BIRC6: variants seen among roughly 807,000 people sequenced by gnomAD.
The protein encoded by BIRC6 is baculoviral IAP repeat containing 6, also known as dual E2 ubiquitin-conjugating enzyme/E3 ubiquitin-protein ligase BIRC6.
A neutral mutation model predicts 503.3 loss-of-function variants in BIRC6; 98 were observed. The ratio of observed to expected loss-of-function variants is 0.19; its 90% CI spans 0.17 to 0.23. The LOEUF (loss-of-function observed/expected upper bound fraction) is 0.23. BIRC6 is among the 10% of genes least tolerant of loss of function. BIRC6 has a pLI of 1.00. For synonymous variants in BIRC6, 2,240 were observed against 2,078.7 expected (o/e 1.08, Z -2.11); for missense variants, 5,360 against 5,806.0 (o/e 0.92, Z 2.50).
At chr2:32,489,517 A>C (rs1188747685) in intron 42 of BIRC6, among the ~76,000 whole-genome samples, 1 of 152,034 alleles carries the variant, frequency 6.6e-6, no homozygotes, top group Non-Finnish European at 1.5e-5. Context: ...AAGAGTAAAA[A>C]ATAGTTATTC....
At chr2:32,526,857 A>G (rs997662379) in intron 59 of BIRC6, 1 of 152,374 alleles carries the variant, frequency 6.6e-6, no homozygotes, top group African/African-American at 2.4e-5. Context: ...TACATTTTTA[A>G]AGATTTGTGG....
intron 21 of BIRC6, 88 bp from the exon 22 acceptor site, chr2:32,448,707 A>G: frequency 8.2e-7 from 1 of 1,220,572 alleles, no homozygotes; most frequent in East Asian, 2.4e-5. Flanking sequence ...CTGCGCTGTT[A>G]GTCAGACTGC....
At position 32,587,298 on chromosome 2, in the gene BIRC6, A is replaced by G. The variant is rs183202126; in HGVS notation, c.13356-6617A>G. The stretch of plus-strand genomic sequence containing the variant: ...GCTACTCGGGAGGCTGAGGCAGGAG[A>G]ATCATTTGAACCCGGGAGGTGGAGG... On this transcript the variant is annotated intron_variant, in intron 66 of 73. Transcript: ENST00000421745. Among the ~76,000 whole-genome samples, 650 of 152,298 alleles carry G rather than the reference A, an allele frequency of 4.3e-3. 5 individuals are homozygous for G. The highest frequency in any genetic ancestry group is 7.2e-3 in the Non-Finnish European group (491 of 68,014).
chr2:32,455,613 T>TGAG (rs2047176350), intron 23 of BIRC6, among the ~76,000 whole-genome samples: 1 of 152,090 alleles, frequency 6.6e-6, no homozygotes, highest in Non-Finnish European at 1.5e-5. Flanking sequence ...GGTGACAGAG[T>TGAG]GAGACTCCGT....
chr2:32,371,828 C>T (rs1346884535), intron 1 of BIRC6, among the ~76,000 whole-genome samples: 1 of 152,058 alleles, frequency 6.6e-6, no homozygotes, highest in Non-Finnish European at 1.5e-5. Context: ...TGTTTTGAGA[C>T]AGAGTCTCAC....
At position 32,390,886 on chromosome 2, in the gene BIRC6, C is replaced by T. The variant is rs139941694; in HGVS notation, c.840-1153C>T. Among the ~76,000 whole-genome samples, 843 of 152,176 alleles carry T rather than the reference C, an allele frequency of 5.5e-3. 5 individuals carry two copies. The highest frequency in any genetic ancestry group is 0.019 in the African/African-American group (784 of 41,514). On this transcript the variant is annotated intron_variant, in intron 4 of 73. Coordinates refer to ENST00000421745, the MANE Select transcript of BIRC6 (RefSeq NM_016252.4). ...TGTTACATATATAACTTTTATTAGT[C>T]GTATTAACAATTGGGCAGAATTTTT...
At chr2:32,454,205 T>G (rs568265662) in intron 23 of BIRC6, among the ~76,000 whole-genome samples, 1 of 152,270 alleles carries the variant, frequency 6.6e-6, no homozygotes, top group African/African-American at 2.4e-5. Context: ...TTTCAGAAAT[T>G]TTTTAATTTG....
chr2:32,463,108 C>A, intron 23 of BIRC6, 86 bp from the exon 24 acceptor site: 1 of 1,152,962 alleles, frequency 8.7e-7, no homozygotes, highest in Non-Finnish European at 1.2e-6. Flanking sequence ...CATAATAGTG[C>A]CAAAATATTT....
intron 54 of BIRC6, among the ~76,000 whole-genome samples, chr2:32,514,027 G>A (rs1488161943): frequency 2.4e-5 from 3 of 123,316 alleles, no homozygotes; most frequent in Non-Finnish European, 5.3e-5. Context: ...TCACGCCACT[G>A]TACCCCAGCC....
In BIRC6 at chr2:32,441,479, A is replaced by G. The variant is rs745933401; in HGVS notation, c.3944+17A>G. The stretch of plus-strand genomic sequence containing the variant: ...TAAGGAAAGGTAATTTCATTGCATT[A>G]TCTTGTTATTCTTACAGTAATGAAA... On this transcript the variant is annotated intron_variant, in intron 17 of 73. Coordinates refer to ENST00000421745, the MANE Select transcript of BIRC6 (RefSeq NM_016252.4). 6.3e-7 allele frequency: 1 copy of G among 1,596,440 alleles called. No homozygotes were observed. Among genetic ancestry groups the G allele is most frequent in the Non-Finnish European group, 8.6e-7 (1 of 1,167,346 alleles).
intron 22 of BIRC6, 59 bp from the exon 23 acceptor site, chr2:32,453,749 T>G (rs1316446939): frequency 1.3e-6 from 2 of 1,512,054 alleles, no homozygotes; most frequent in East Asian, 4.5e-5. Context: ...ATTATTGTTG[T>G]GACTATTGCT....
rs1166608470 is a variant in BIRC6, at chr2:32,458,683, CTTTTTTTTTT to C, written c.4754-4495_4754-4486del. Among the ~76,000 whole-genome samples, 48 of 89,478 alleles carry C rather than the reference CTTTTTTTTTT, an allele frequency of 5.4e-4. 1 individual carries two copies. Among genetic ancestry groups the C allele is most frequent in the African/African-American group, 1.4e-3 (26 of 19,224 alleles). 58.7% of individuals were successfully genotyped at this position (89,478 alleles called of 152,430 possible). A position where few individuals can be genotyped will look rare whatever the true frequency, so the allele number is the denominator to read the frequency against. On this transcript the variant is annotated intron_variant, in intron 23 of 73. Coordinates refer to ENST00000421745, the MANE Select transcript of BIRC6 (RefSeq NM_016252.4). ...TGGCCTTTTGTTAATACTCTATTGC[CTTTTTTTTTT>C]TTTTTTTTTTTTTTTCTGATACAGA...
intron 53 of BIRC6, among the ~76,000 whole-genome samples, chr2:32,511,987 G>A (rs1271824019): frequency 2.0e-5 from 3 of 152,054 alleles, no homozygotes; most frequent in African/African-American, 7.2e-5. Context: ...AATCTGTTAG[G>A]ATTATTTAAT....
intron 65 of BIRC6, among the ~76,000 whole-genome samples, chr2:32,553,793 A>G (rs2058602984): frequency 6.6e-6 from 1 of 152,196 alleles, no homozygotes; most frequent in Admixed American, 6.5e-5. Context: ...TCAAAGGTTA[A>G]CATTATGGTT....
At chr2:32,508,422 C>CA (rs769278837) in intron 51 of BIRC6, among the ~76,000 whole-genome samples, 163 bp downstream of exon 51, 1 of 150,926 alleles carries the variant, frequency 6.6e-6, no homozygotes, top group Non-Finnish European at 1.5e-5. Flanking sequence ...GTAATAGAGA[C>CA]AGTTTTGTGG....
At position 32,436,171 on chromosome 2, in the gene BIRC6, C is replaced by G; in HGVS notation, c.3618C>G (p.Pro1206=). Residue 1206 remains proline (P), a synonymous_variant, in exon 15 of 74, where the codon CCC becomes CCG. Coordinates refer to ENST00000421745, the MANE Select transcript of BIRC6 (RefSeq NM_016252.4). The part of the protein sequence containing the change: ...GHAGMLTLTS[P]KLVKGMAGGK... ...CTGGAATGTTGACGTTAACAAGCCC[C>G]AAACTTGTTAAAGGTGAAGTAATAC... The G allele has an allele frequency of 6.9e-7, 1 of 1,444,518 alleles. No homozygotes were observed. The highest frequency in any genetic ancestry group is 9.3e-7 in the Non-Finnish European group (1 of 1,079,478). The allele number at this position is 1,444,518 out of a possible 1,614,324, so 89.5% of individuals were successfully genotyped here.
intron 36 of BIRC6, among the ~76,000 whole-genome samples, chr2:32,479,066 T>C (rs1398668500): frequency 6.6e-6 from 1 of 152,244 alleles, no homozygotes; most frequent in Non-Finnish European, 1.5e-5. Flanking sequence ...GCATGAATAT[T>C]GGAGCTAGCC....
intron 40 of BIRC6, among the ~76,000 whole-genome samples, chr2:32,486,935 A>G (rs959909536): frequency 2.0e-5 from 3 of 152,006 alleles, no homozygotes; most frequent in African/African-American, 7.3e-5. Flanking sequence ...GCCCAAAGTA[A>G]CCCTTTTCTT....
intron 32 of BIRC6, 64 bp from the exon 33 acceptor site, chr2:32,473,048 T>C: frequency 7.2e-7 from 1 of 1,394,736 alleles, no homozygotes; most frequent in South Asian, 1.4e-5. Flanking sequence ...GTTTTCTGGG[T>C]AGGAAAGGTA....
Sources: allele counts gnomAD v4.1 joint callset (sites outside exome capture counted in the v4.1 genomes callset), GRCh38; gene constraint gnomAD v4.1.1; transcripts MANE v1.5; gene names NCBI Gene and HGNC (gene_info 2026-07-23, HGNC 2026-07-21).